GRHL2: variants seen among roughly 807,000 people sequenced by gnomAD.
GRHL2 encodes grainyhead like transcription factor 2, also known as grainyhead-like protein 2 homolog.
In GRHL2, 21 loss-of-function variants were observed where a neutral mutation model predicts 83.8. The observed-to-expected ratio is 0.25, with a 90% confidence interval of 0.18 to 0.36. The LOEUF is 0.36. GRHL2 is among the 10% of genes least tolerant of loss of function. GRHL2 has a pLI of 1.00. For synonymous variants in GRHL2, 280 were observed against 278.9 expected (o/e 1.00, Z -0.04); for missense variants, 623 against 781.8 (o/e 0.80, Z 2.42).
rs1406257768 is a variant in GRHL2, at chr8:101,622,761, T to A, written c.1257+3064T>A. Among the ~76,000 whole-genome samples, 3 of 152,168 alleles carry A rather than the reference T, an allele frequency of 2.0e-5. No individual in the cohort carries two copies. In the South Asian group the frequency reaches 6.2e-4, roughly 32 times the overall value. ...CATGAGTAAGCTCTTTAGTGGTGAT[T>A]TGTGAGATTTTGGTGTGCCCATCAC... On this transcript the variant is annotated intron_variant, in intron 9 of 15. Transcript: ENST00000646743.
At chr8:101,552,508 T>C (rs1811405185) in intron 2 of GRHL2, among the ~76,000 whole-genome samples, 2 of 152,228 alleles carry the variant, frequency 1.3e-5, no homozygotes, top group Non-Finnish European at 1.5e-5. Context: ...GTTGTGGCCA[T>C]ATGTTTATCA....
In GRHL2 at chr8:101,627,109, A is replaced by C. The variant is rs778269754; in HGVS notation, c.1258-4528A>C. Among the ~76,000 whole-genome samples, 20 of 152,230 alleles carry C rather than the reference A, an allele frequency of 1.3e-4. No individual in the cohort carries two copies. The South Asian group carries it at 1.4e-3, about 11-fold the overall frequency. On this transcript the variant is annotated intron_variant, in intron 9 of 15. Transcript: ENST00000646743. ...TGGCATATGAAAGAATGCCTGAAAA[A>C]TAAGCAAGTGATTTTGCTAAAATTC...
intron 6 of GRHL2, among the ~76,000 whole-genome samples, chr8:101,576,775 A>T (rs1811941536): frequency 6.6e-6 from 1 of 152,172 alleles, no homozygotes; most frequent in African/African-American, 2.4e-5. Context: ...TTTCTGCAAG[A>T]TATAATTAGT....
chr8:101,539,550 C>T (rs1020017052), intron 1 of GRHL2, among the ~76,000 whole-genome samples: 1 of 152,140 alleles, frequency 6.6e-6, no homozygotes, highest in African/African-American at 2.4e-5. Flanking sequence ...TATAGAACCT[C>T]AGGAGTCCAC....
chr8:101,649,934 A>G (rs1813587696), intron 14 of GRHL2, among the ~76,000 whole-genome samples: 1 of 152,222 alleles, frequency 6.6e-6, no homozygotes, highest in Admixed American at 6.5e-5. Flanking sequence ...ATTTGCAGTA[A>G]GACTTTTCCC....
At chr8:101,645,595 T>C (rs944694212) in intron 13 of GRHL2, among the ~76,000 whole-genome samples, 1 of 152,118 alleles carries the variant, frequency 6.6e-6, no homozygotes, top group Non-Finnish European at 1.5e-5. Context: ...CTCACACTTC[T>C]GCTCCTCGGC....
At chr8:101,508,388 G>GT (rs4002328) in intron 1 of GRHL2, among the ~76,000 whole-genome samples, 26,433 of 139,470 alleles carry the variant, frequency 0.19, 3,317 homozygotes, top group African/African-American at 0.32. Flanking sequence ...ATTTACTCAG[G>GT]TTTTTTTTTT....
At chr8:101,586,304 T>C (rs1812169798) in intron 7 of GRHL2, among the ~76,000 whole-genome samples, 1 of 152,128 alleles carries the variant, frequency 6.6e-6, no homozygotes, top group African/African-American at 2.4e-5. Context: ...TCCAACATAA[T>C]CTGTCTTTTA....
At chr8:101,507,642 T>C (rs927405817) in intron 1 of GRHL2, among the ~76,000 whole-genome samples, 1 of 152,112 alleles carries the variant, frequency 6.6e-6, no homozygotes, top group Non-Finnish European at 1.5e-5. Context: ...TCCATGACAA[T>C]AAATATTTTT....
At chr8:101,679,020 C>G in the GRHL2 span, among the ~76,000 whole-genome samples, 5 of 137,716 alleles carry the variant, frequency 3.6e-5, no homozygotes, top group African/African-American at 1.4e-4. Flanking sequence ...CAGAGCGCCT[C>G]TCCTCCTCCA....
chr8:101,589,864 C>T (rs1307317897), intron 7 of GRHL2, among the ~76,000 whole-genome samples: 1 of 152,104 alleles, frequency 6.6e-6, no homozygotes, highest in African/African-American at 2.4e-5. Flanking sequence ...GAAAGGTGCT[C>T]ATCTGGCTGT....
intron 1 of GRHL2, among the ~76,000 whole-genome samples, chr8:101,534,591 G>A (rs374683319): frequency 2.0e-5 from 3 of 152,018 alleles, no homozygotes; most frequent in Non-Finnish European, 2.9e-5. Context: ...AGGAGTCAAG[G>A]ATCAATGAGG....
chr8:101,585,323 T>A (rs1428554748), intron 7 of GRHL2, among the ~76,000 whole-genome samples: 1 of 152,266 alleles, frequency 6.6e-6, no homozygotes, highest in Non-Finnish European at 1.5e-5. Context: ...GGATTTCATT[T>A]TTTGATGTTT....
chr8:101,673,884 G>T (rs546419871), downstream of GRHL2, among the ~76,000 whole-genome samples: 9 of 152,158 alleles, frequency 5.9e-5, no homozygotes, highest in African/African-American at 2.2e-4. Flanking sequence ...AATCAAACTA[G>T]AACTCAGGAC....
the GRHL2 span, among the ~76,000 whole-genome samples, chr8:101,678,352 C>T: frequency 2.0e-5 from 3 of 152,166 alleles, no homozygotes; most frequent in African/African-American, 7.2e-5. Context: ...GTCACTCCCA[C>T]CCGAATACTG....
At chr8:101,517,272 TC>T (rs1810591897) in intron 1 of GRHL2, among the ~76,000 whole-genome samples, 1 of 152,196 alleles carries the variant, frequency 6.6e-6, no homozygotes, top group African/African-American at 2.4e-5. Context: ...CAGTTTTCCT[TC>T]CTTCAAAGGG....
chr8:101,594,688 T>C (rs755669522), intron 7 of GRHL2, among the ~76,000 whole-genome samples: 1 of 152,196 alleles, frequency 6.6e-6, no homozygotes, highest in Non-Finnish European at 1.5e-5. Flanking sequence ...ATTTCTTGTA[T>C]GGTATAAGGC....
chr8:101,629,419 G>A (rs960659740), intron 9 of GRHL2, among the ~76,000 whole-genome samples: 1 of 151,552 alleles, frequency 6.6e-6, no homozygotes, highest in Non-Finnish European at 1.5e-5. Context: ...CTATGCACTG[G>A]GGAACAAAAA....
At chr8:101,614,458 T>C (rs1812814685) in intron 8 of GRHL2, among the ~76,000 whole-genome samples, 1 of 147,444 alleles carries the variant, frequency 6.8e-6, no homozygotes, top group South Asian at 2.1e-4. Flanking sequence ...TTAAAAATAT[T>C]ATATGAGCAT....
Sources: allele counts gnomAD v4.1 joint callset (sites outside exome capture counted in the v4.1 genomes callset), GRCh38; gene constraint gnomAD v4.1.1; transcripts MANE v1.5; gene names NCBI Gene and HGNC (gene_info 2026-07-23, HGNC 2026-07-21).